Variants in ADAM9 observed in about 807,000 individuals in gnomAD.
ADAM9 encodes ADAM metallopeptidase domain 9, also known as disintegrin and metalloproteinase domain-containing protein 9.
ADAM9 carries 54 observed loss-of-function variants against 108.1 expected under a neutral mutation model. The observed-to-expected ratio is 0.50, with a 90% CI of 0.40 to 0.63. The LOEUF (loss-of-function observed/expected upper bound fraction) is 0.63, where lower values mean the gene tolerates loss of function less well. Among genes scored for constraint, ADAM9 ranks in the 20% least tolerant of loss-of-function variants. The probability of loss-of-function intolerance (pLI) is 0.00; values close to 1 mark genes in which losing one functional copy is unlikely to be tolerated. For missense variants in ADAM9, 830 were observed against 997.7 expected, an observed-to-expected ratio of 0.83 and a Z score of 2.26; for synonymous variants, 316 against 336.0, an observed-to-expected ratio of 0.94 and a Z score of 0.65.
At chr8:39,028,907 T>G (rs2129434713) in intron 11 of ADAM9, among the ~76,000 whole-genome samples, 1 of 152,238 alleles carries the variant, frequency 6.6e-6, no homozygotes, top group Middle Eastern at 3.4e-3. Context: ...AACTGGATGT[T>G]AATAACAGAA....
intron 12 of ADAM9, among the ~76,000 whole-genome samples, chr8:39,048,887 G>GT (rs1490939513): frequency 6.6e-6 from 1 of 151,088 alleles, no homozygotes; most frequent in Non-Finnish European, 1.5e-5. Flanking sequence ...ACAAATATAG[G>GT]TACCCCTGCT....
intron 9 of ADAM9, among the ~76,000 whole-genome samples, chr8:39,024,342 A>G (rs1435840935): frequency 6.6e-6 from 1 of 152,228 alleles, no homozygotes; most frequent in Non-Finnish European, 1.5e-5. Context: ...GCAGGTGTCA[A>G]GCATACTCAC....
chr8:39,054,016 C>G (rs948037148), intron 12 of ADAM9, among the ~76,000 whole-genome samples: 2 of 152,082 alleles, frequency 1.3e-5, no homozygotes, highest in Non-Finnish European at 2.9e-5. Context: ...GGATCAGTGT[C>G]CTTGTAAGAA....
chr8:39,069,942 C>G (rs1174023153), intron 14 of ADAM9, among the ~76,000 whole-genome samples: 3 of 149,656 alleles, frequency 2.0e-5, no homozygotes, highest in Admixed American at 1.3e-4. Flanking sequence ...AACCTGCTGC[C>G]TTTCAGCCTG....
chr8:39,019,553 A>G (rs1298040945), intron 7 of ADAM9, among the ~76,000 whole-genome samples: 2 of 152,206 alleles, frequency 1.3e-5, no homozygotes, highest in Admixed American at 6.5e-5. Flanking sequence ...TTTTATTGAT[A>G]TATAATACTT....
At position 39,014,461 on chromosome 8, in the gene ADAM9, A is replaced by G. The variant is rs539344713; in HGVS notation, c.333+418A>G. The G allele has an allele frequency of 8.9e-4, 600 of 670,606 alleles. 11 individuals carry two copies. The highest frequency in any genetic ancestry group is 6.8e-3 in the South Asian group (412 of 60,254). The allele number at this position is 670,606 out of a possible 1,614,324, so 41.5% of individuals were successfully genotyped here. A position where few individuals can be genotyped will look rare whatever the true frequency, so the allele number is the denominator to read the frequency against. On this transcript the variant is annotated intron_variant, in intron 4 of 21. Coordinates refer to ENST00000487273, the MANE Select transcript of ADAM9 (RefSeq NM_003816.3). ...GATGTTATGTGTTCTAATGTTCTAA[A>G]TTTTTTCTGAAAATAATTGTTTCCT...
At position 39,077,293 on chromosome 8, in the gene ADAM9, C is replaced by T; in HGVS notation, c.1763C>T (p.Pro588Leu). ...VQEIPVFGIV[P>L]AIIQTPSRGT... ...GAGATACCTGTATTTGGAATTGTGC[C>T]TGCTATTATTCAAACGCCTAGTCGA... The change falls in exon 16 of 22, where the codon CCT becomes CTT. Residue 588 changes from proline to leucine, a missense_variant. Coordinates refer to ENST00000487273, the MANE Select transcript of ADAM9 (RefSeq NM_003816.3). 1 of 1,613,980 alleles carries T rather than the reference C, an allele frequency of 6.2e-7. No individual in the cohort carries two copies. The highest frequency in any genetic ancestry group is 8.5e-7 in the Non-Finnish European group (1 of 1,179,984).
At chr8:39,054,955 G>T (rs1200417497) in intron 13 of ADAM9, among the ~76,000 whole-genome samples, 5 of 152,108 alleles carry the variant, frequency 3.3e-5, no homozygotes, top group Admixed American at 1.3e-4. Context: ...GTGTATGTGT[G>T]TATGTGTGTT....
rs139987527 is a variant in ADAM9, at chr8:39,001,849, T to C, written c.97+4689T>C. Among the ~76,000 whole-genome samples the C allele has an allele frequency of 9.8e-4, 149 of 152,104 alleles. 4 individuals carry two copies. In the East Asian group the frequency reaches 0.024, roughly 25 times the overall value. On this transcript the variant is annotated intron_variant, in intron 1 of 21. Coordinates refer to ENST00000487273, the MANE Select transcript of ADAM9 (RefSeq NM_003816.3). ...CACACCTGGCTAAATTTTGTATTTT[T>C]AGTAGAGACAGGGTTTCACCATGTT...
In ADAM9 at chr8:39,053,185, C is replaced by T. The variant is rs1838012306; in HGVS notation, c.1303-1296C>T. On this transcript the variant is annotated intron_variant, in intron 12 of 21. Transcript: ENST00000487273. ...TTCCCTCATTTAAAAATTTTGATTA[C>T]TTATTGTTGAGTTTTGAGAATACTT... Among the ~76,000 whole-genome samples the T allele has an allele frequency of 3.3e-5, 5 of 152,062 alleles. No homozygotes were observed. The South Asian group carries it at 1.0e-3, about 31-fold the overall frequency.
chr8:39,090,752 A>G (rs539619990), intron 19 of ADAM9, among the ~76,000 whole-genome samples: 1 of 152,354 alleles, frequency 6.6e-6, no homozygotes, highest in African/African-American at 2.4e-5. Context: ...TGACCAGTCT[A>G]TGCAAATAAC....
At chr8:39,017,970 A>T (rs568094722) in intron 6 of ADAM9, among the ~76,000 whole-genome samples, 2 of 152,242 alleles carry the variant, frequency 1.3e-5, no homozygotes, top group Non-Finnish European at 1.5e-5. Context: ...AAAGAGAGAG[A>T]TACGGCTTTA....
chr8:39,066,321 C>T (rs1277918222), intron 14 of ADAM9, among the ~76,000 whole-genome samples: 2 of 152,328 alleles, frequency 1.3e-5, no homozygotes, highest in South Asian at 2.1e-4. Context: ...CTTGAGGAAT[C>T]GCCACACTGT....
intron 11 of ADAM9, among the ~76,000 whole-genome samples, chr8:39,032,289 A>T (rs1012428564): frequency 6.6e-6 from 1 of 152,232 alleles, no homozygotes; most frequent in Admixed American, 6.5e-5. Flanking sequence ...TGGGATCTAC[A>T]GAGGCAGCAG....
intron 11 of ADAM9, among the ~76,000 whole-genome samples, chr8:39,029,513 G>T (rs1041913918): frequency 6.6e-6 from 1 of 152,158 alleles, no homozygotes; most frequent in African/African-American, 2.4e-5. Flanking sequence ...GTATGATGTT[G>T]TCTGTGGGCT....
intron 2 of ADAM9, among the ~76,000 whole-genome samples, chr8:39,010,554 C>T (rs1836321892): frequency 6.6e-6 from 1 of 152,150 alleles, no homozygotes; most frequent in South Asian, 2.1e-4. Flanking sequence ...TGTTAGTTGT[C>T]GAGTCCCTCC....
intron 14 of ADAM9, among the ~76,000 whole-genome samples, chr8:39,067,599 C>G (rs1323375732): frequency 6.6e-6 from 1 of 152,182 alleles, no homozygotes; most frequent in African/African-American, 2.4e-5. Flanking sequence ...GATTTTGTAT[C>G]CTCAGACTTT....
chr8:39,045,078 G>GTATA (rs1248090285), intron 12 of ADAM9, among the ~76,000 whole-genome samples: 1 of 23,120 alleles, frequency 4.3e-5, no homozygotes, highest in Non-Finnish European at 7.7e-5. Flanking sequence ...ACATATGTGT[G>GTATA]TGTGCATACA....
At chr8:39,045,932 T>C (rs986215124) in intron 12 of ADAM9, among the ~76,000 whole-genome samples, 2 of 152,108 alleles carry the variant, frequency 1.3e-5, no homozygotes, top group South Asian at 2.1e-4. Context: ...TAAGATGATA[T>C]CTCATTGTGG....
Sources: allele counts gnomAD v4.1 joint callset (sites outside exome capture counted in the v4.1 genomes callset), GRCh38; gene constraint gnomAD v4.1.1; transcripts MANE v1.5; gene names NCBI Gene and HGNC (gene_info 2026-07-23, HGNC 2026-07-21).